The following IGSF10 variants were observed in gnomAD, a reference collection of about 807,000 sequenced individuals.
The protein encoded by IGSF10 is calvaria mechanical force protein 608.
IGSF10 carries 126 observed loss-of-function variants against 128.2 expected under a neutral mutation model. The observed-to-expected ratio is 0.98, with a 90% CI of 0.85 to 1.14. The LOEUF (loss-of-function observed/expected upper bound fraction) is 1.14. Ranked by LOEUF, IGSF10 falls within the 50% of genes most tolerant of loss-of-function variation. The pLI, the probability that IGSF10 is intolerant of heterozygous loss-of-function variation, is 0.00. For missense variants in IGSF10, 3,295 were observed against 3,149.8 expected (o/e 1.05, Z -1.10); for synonymous variants, 1,185 against 1,146.2 (o/e 1.03, Z -0.68).
chr3:151,439,922 A>G (rs1476309195), intron 7 of IGSF10, among the ~76,000 whole-genome samples: 1 of 152,224 alleles, frequency 6.6e-6, no homozygotes, highest in Non-Finnish European at 1.5e-5. Context: ...TTTGGGCAAC[A>G]TGGGCTAAGC....
chr3:151,514,153 C>G, the IGSF10 span, among the ~76,000 whole-genome samples: 1 of 151,958 alleles, frequency 6.6e-6, no homozygotes, highest in African/African-American at 2.4e-5. Context: ...AAAAAGAGCC[C>G]GCATTGCCAA....
chr3:151,434,811 G>A (rs1357988917), downstream of IGSF10: 2 of 152,120 alleles, frequency 1.3e-5, no homozygotes, highest in Non-Finnish European at 2.9e-5. Flanking sequence ...TGTTATAATT[G>A]CATAGCATTT....
chr3:151,467,677 G>A, the IGSF10 span, among the ~76,000 whole-genome samples: 2 of 152,086 alleles, frequency 1.3e-5, no homozygotes, highest in Non-Finnish European at 2.9e-5. Context: ...GAGGTCAGGA[G>A]ATCGAGACCG....
At chr3:151,463,427 T>G (rs1458397642), upstream of IGSF10, among the ~76,000 whole-genome samples, 1 of 151,614 alleles carries the variant, frequency 6.6e-6, no homozygotes, top group Non-Finnish European at 1.5e-5. Flanking sequence ...ATGAGATTGC[T>G]GAGGATAAAG....
At chr3:151,586,803 C>T in the IGSF10 span, among the ~76,000 whole-genome samples, 1 of 151,938 alleles carries the variant, frequency 6.6e-6, no homozygotes, top group Admixed American at 6.6e-5. Flanking sequence ...TCTTTAAAGT[C>T]AACCTAAGAA....
the IGSF10 span, among the ~76,000 whole-genome samples, chr3:151,603,410 A>G: frequency 4.6e-5 from 7 of 152,216 alleles, no homozygotes; most frequent in Non-Finnish European, 8.8e-5. Context: ...AAGAAGTGCT[A>G]AGAAAGTGTT....
Position 151,447,849 on chromosome 3 carries a change from T to C in IGSF10, c.2132A>G (p.His711Arg). 1 of 1,614,124 alleles carries C rather than the reference T, an allele frequency of 6.2e-7. No homozygotes were observed. Among genetic ancestry groups the C allele is most frequent in the Non-Finnish European group, 8.5e-7 (1 of 1,180,022 alleles). The change falls in exon 6 of 8, where the codon CAC becomes CGC. Residue 711 changes from histidine (H) to arginine (R), a missense_variant. By Grantham distance (29) the His-to-Arg change is conservative. Coordinates refer to ENST00000282466, the MANE Select transcript of IGSF10 (RefSeq NM_178822.5). ...GTGCCTCTTACTTGTGCTTGAGGTG[T>C]GTTTTCCAACCTCAGCCTCCATCAG... ...SALMEAEVGK[H>R]TSSTSKRHNY...
the IGSF10 span, among the ~76,000 whole-genome samples, chr3:151,536,174 G>A: frequency 6.6e-6 from 1 of 152,100 alleles, no homozygotes; most frequent in Non-Finnish European, 1.5e-5. Flanking sequence ...TGAGCAGGAA[G>A]CAGGGAAAAA....
the IGSF10 span, among the ~76,000 whole-genome samples, chr3:151,554,989 T>A: frequency 1.3e-5 from 2 of 152,128 alleles, no homozygotes; most frequent in Admixed American, 1.3e-4. Flanking sequence ...TGGAATTTGG[T>A]ATCCTGAAGC....
chr3:151,514,500 A>C, the IGSF10 span, among the ~76,000 whole-genome samples: 1 of 152,304 alleles, frequency 6.6e-6, no homozygotes, highest in East Asian at 1.9e-4. Context: ...GTTAGACCTA[A>C]AACCATAAAA....
chr3:151,474,237 C>T, the IGSF10 span, among the ~76,000 whole-genome samples: 1 of 152,144 alleles, frequency 6.6e-6, no homozygotes, highest in Admixed American at 6.5e-5. Context: ...GTACTTATCT[C>T]ACCCCTGATT....
At chr3:151,521,793 G>A in the IGSF10 span, among the ~76,000 whole-genome samples, 1 of 151,630 alleles carries the variant, frequency 6.6e-6, no homozygotes, top group Admixed American at 6.6e-5. Flanking sequence ...AATATCACAA[G>A]TGAAAGAATT....
At chr3:151,464,709 A>C (rs1186282653), upstream of IGSF10, among the ~76,000 whole-genome samples, 1 of 152,200 alleles carries the variant, frequency 6.6e-6, no homozygotes, top group Non-Finnish European at 1.5e-5. Context: ...AATTAACCAA[A>C]CAGTCAAGAC....
chr3:151,593,745 G>A, the IGSF10 span, among the ~76,000 whole-genome samples: 1 of 152,022 alleles, frequency 6.6e-6, no homozygotes, highest in African/African-American at 2.4e-5. Context: ...TGAGTGTTTT[G>A]GCCATTAAAT....
chr3:151,551,110 G>T, the IGSF10 span, among the ~76,000 whole-genome samples: 2 of 152,102 alleles, frequency 1.3e-5, no homozygotes, highest in African/African-American at 4.8e-5. Flanking sequence ...AGCAAACTCA[G>T]ACCATACTGG....
chr3:151,511,638 G>A, the IGSF10 span, among the ~76,000 whole-genome samples: 3 of 152,190 alleles, frequency 2.0e-5, no homozygotes, highest in African/African-American at 2.4e-5. Flanking sequence ...ATGTAAATGG[G>A]CTAAATGCTC....
the IGSF10 span, among the ~76,000 whole-genome samples, chr3:151,474,455 A>G: frequency 6.6e-6 from 1 of 152,154 alleles, no homozygotes; most frequent in Admixed American, 6.5e-5. Flanking sequence ...ATTTCTTCCA[A>G]TAAGTTTCCA....
Position 151,437,123 on chromosome 3 carries a change from T to C in IGSF10, c.7438A>G (p.Asn2480Asp). 6.2e-7 allele frequency: 1 copy of C among 1,614,202 alleles called. No homozygotes were observed. Residue 2480 changes from asparagine to aspartate, a missense_variant, in exon 8 of 8, where the codon AAT (asparagine) becomes GAT (aspartate). Transcript: ENST00000282466. Reference sequence around the variant, plus strand: ...TTGTCATGCAATATGTATTTCCCATTAATTTGAGGCCTGTCTACTACATAA... The same window carrying C: ...TTGTCATGCAATATGTATTTCCCATCAATTTGAGGCCTGTCTACTACATAA... ...SGYVVDRPQINGKYILHDNGT... is the reference protein window; with the variant it reads ...SGYVVDRPQIDGKYILHDNGT...
Position 151,458,701 on chromosome 3 carries a change from T to C in IGSF10, c.9A>G (p.Val3=), listed in dbSNP as rs749440713. The change falls in exon 3 of 8, where the codon GTA becomes GTG. Residue 3 remains valine (V), a synonymous_variant. Coordinates refer to ENST00000282466, the MANE Select transcript of IGSF10 (RefSeq NM_178822.5). ...GCAAGCAGGTGATTCCTCTGCCTTT[T>C]ACCTTCATCCTGAAAAAACATCATA... is the stretch of plus-strand genomic sequence containing the variant. MK[V]KGRGITCLLV... 23 of 1,612,892 alleles carry C rather than the reference T, an allele frequency of 1.4e-5. No homozygotes were observed. The highest frequency in any genetic ancestry group is 1.9e-5 in the Non-Finnish European group (22 of 1,179,506).
Sources: allele counts gnomAD v4.1 joint callset (sites outside exome capture counted in the v4.1 genomes callset), GRCh38; gene constraint gnomAD v4.1.1; transcripts MANE v1.5; gene names NCBI Gene and HGNC (gene_info 2026-07-23, HGNC 2026-07-21).